The following STPG2 variants were observed in gnomAD, a reference collection of about 807,000 sequenced individuals.
The protein encoded by STPG2 is sperm-tail PG-rich repeat-containing protein 2.
A neutral mutation model predicts 54.2 loss-of-function variants in STPG2; 56 were observed. That is an observed-to-expected ratio of 1.03 (90% confidence interval 0.83 to 1.29). The LOEUF (loss-of-function observed/expected upper bound fraction) is 1.29, where lower values mean the gene tolerates loss of function less well. Among genes scored for constraint, STPG2 ranks in the 50% most tolerant of loss-of-function variants. STPG2 has a pLI of 0.00. For synonymous variants in STPG2, 200 were observed against 181.8 expected, an observed-to-expected ratio of 1.10 and a Z score of -0.81; for missense variants, 596 against 544.9, an observed-to-expected ratio of 1.09 and a Z score of -0.93.
chr4:97,807,840 G>C (rs1269204455), intron 9 of STPG2, among the ~76,000 whole-genome samples: 1 of 151,780 alleles, frequency 6.6e-6, no homozygotes, highest in East Asian at 1.9e-4. Flanking sequence ...AAATAGCTAG[G>C]TACATCATAG....
chr4:97,720,018 T>C (rs929105706), intron 9 of STPG2, among the ~76,000 whole-genome samples: 5 of 151,924 alleles, frequency 3.3e-5, no homozygotes, highest in African/African-American at 1.2e-4. Context: ...CTTCACTCAG[T>C]ATGAATTCTG....
At position 97,624,052 on chromosome 4, in the gene STPG2, G is replaced by C. The variant is rs367724885; in HGVS notation, c.1321-64935C>G. Among the ~76,000 whole-genome samples, 10 of 152,216 alleles carry C rather than the reference G, an allele frequency of 6.6e-5. No homozygotes were observed. In the South Asian group the frequency reaches 2.1e-3, roughly 32 times the overall value. ...CCAGTCTATCATTGATGGGCATTTG[G>C]GTTGATTCCATGTCTTTGATACTGT... On this transcript the variant is annotated intron_variant, in intron 10 of 10. Coordinates refer to ENST00000295268, the MANE Select transcript of STPG2 (RefSeq NM_174952.3).
Position 97,646,365 on chromosome 4 carries a change from G to A in STPG2, c.1320+66334C>T, listed in dbSNP as rs548390537. 4.6e-5 allele frequency among the ~76,000 whole-genome samples: 7 copies of A among 152,038 alleles called. No homozygotes were observed. The East Asian group carries it at 5.8e-4, about 13-fold the overall frequency. ...ATCAGTCTTATTACGGTTGCAAAGC[G>A]GCCACTTAATATTTTTCTTTTTTAG... is the stretch of plus-strand genomic sequence containing the variant. On this transcript the variant is annotated intron_variant, in intron 10 of 10. Transcript: ENST00000295268.
In STPG2 at chr4:97,721,507, C is replaced by T. The variant is rs551598361; in HGVS notation, c.1205-8693G>A. Among the ~76,000 whole-genome samples the T allele has an allele frequency of 2.6e-5, 4 of 152,112 alleles. No individual in the cohort carries two copies. The East Asian group carries it at 5.8e-4, about 22-fold the overall frequency. ...CATTGAGTTAATTGTTATTTCTTCA[C>T]TAATGTCCATTGTTAGTTGAAATAA... On this transcript the variant is annotated intron_variant, in intron 9 of 10. Transcript: ENST00000295268.
At chr4:97,507,991 C>T (rs1021511595) in intron 4 of STPG2, among the ~76,000 whole-genome samples, 6 of 152,024 alleles carry the variant, frequency 3.9e-5, no homozygotes, top group Non-Finnish European at 7.4e-5. Flanking sequence ...CCCCAGAGGT[C>T]CTGTGGCCAA....
At chr4:97,919,649 G>A (rs1732022608) in intron 8 of STPG2, among the ~76,000 whole-genome samples, 2 of 152,070 alleles carry the variant, frequency 1.3e-5, no homozygotes, top group Middle Eastern at 3.4e-3. Flanking sequence ...ATTTATTAAA[G>A]GAACTGAATA....
intron 9 of STPG2, among the ~76,000 whole-genome samples, chr4:97,803,960 G>T (rs1727475838): frequency 6.6e-6 from 1 of 152,122 alleles, no homozygotes; most frequent in African/African-American, 2.4e-5. Context: ...CATTTAAAAA[G>T]GCAGTCACTG....
intron 10 of STPG2, among the ~76,000 whole-genome samples, chr4:97,635,778 C>G (rs1467320116): frequency 6.6e-6 from 1 of 152,024 alleles, no homozygotes; most frequent in Non-Finnish European, 1.5e-5. Flanking sequence ...ATCAATTCAA[C>G]AAGAAGAGCT....
At chr4:97,598,555 T>C (rs1433669289) in intron 10 of STPG2, among the ~76,000 whole-genome samples, 2 of 137,844 alleles carry the variant, frequency 1.5e-5, no homozygotes, top group Admixed American at 1.5e-4. Flanking sequence ...ATGGTACTGG[T>C]AAAAAAAAAA....
chr4:97,815,971 G>T (rs928434536), intron 9 of STPG2, among the ~76,000 whole-genome samples: 5 of 152,100 alleles, frequency 3.3e-5, no homozygotes, highest in African/African-American at 1.2e-4. Context: ...ATGGTGGTTT[G>T]TTGCACCCAT....
chr4:98,103,616 G>A (rs1739108061), intron 5 of STPG2, among the ~76,000 whole-genome samples: 4 of 148,786 alleles, frequency 2.7e-5, no homozygotes, highest in Admixed American at 2.0e-4. Flanking sequence ...ACTCCAGCCT[G>A]GGCAAGAAAA....
At chr4:97,778,286 G>T (rs888536993) in intron 9 of STPG2, among the ~76,000 whole-genome samples, 3 of 151,754 alleles carry the variant, frequency 2.0e-5, no homozygotes, top group Non-Finnish European at 4.4e-5. Context: ...TGGCTCGGAG[G>T]GTCCCATGCC....
At chr4:97,852,962 A>ATTTT (rs1729211257) in intron 8 of STPG2, among the ~76,000 whole-genome samples, 1 of 109,600 alleles carries the variant, frequency 9.1e-6, no homozygotes, top group African/African-American at 3.9e-5. Flanking sequence ...AAATTAACAT[A>ATTTT]TTTTCTTTTT....
intron 4 of STPG2, among the ~76,000 whole-genome samples, chr4:97,539,134 C>T (rs1460207016): frequency 6.6e-6 from 1 of 152,206 alleles, no homozygotes; most frequent in Non-Finnish European, 1.5e-5. Flanking sequence ...ACTGCATCAA[C>T]TAACGAGCAA....
chr4:97,865,689 C>G (rs983677610), intron 8 of STPG2, among the ~76,000 whole-genome samples: 1 of 150,398 alleles, frequency 6.6e-6, no homozygotes, highest in Non-Finnish European at 1.5e-5. Context: ...CATGACACAT[C>G]GGGGCCTGTT....
At chr4:97,828,418 C>T (rs1728334029) in intron 9 of STPG2, among the ~76,000 whole-genome samples, 1 of 152,158 alleles carries the variant, frequency 6.6e-6, no homozygotes, top group Admixed American at 6.5e-5. Flanking sequence ...CCTCCAGTGC[C>T]TATGCCATCA....
At chr4:97,693,205 A>G (rs1268887020) in intron 10 of STPG2, among the ~76,000 whole-genome samples, 1 of 152,156 alleles carries the variant, frequency 6.6e-6, no homozygotes, top group Non-Finnish European at 1.5e-5. Flanking sequence ...CTCACATGTC[A>G]ATACTAACAT....
At chr4:97,604,100 C>T (rs1278283364) in intron 10 of STPG2, among the ~76,000 whole-genome samples, 2 of 151,520 alleles carry the variant, frequency 1.3e-5, no homozygotes, top group South Asian at 2.1e-4. Flanking sequence ...TCATGAAACT[C>T]GGAATCTGGG....
chr4:97,653,772 GAA>G (rs1448268959), intron 10 of STPG2, among the ~76,000 whole-genome samples: 1 of 152,104 alleles, frequency 6.6e-6, no homozygotes, highest in Non-Finnish European at 1.5e-5. Context: ...ATGACCCTAA[GAA>G]AAGAATTCAC....
Sources: allele counts gnomAD v4.1 joint callset (sites outside exome capture counted in the v4.1 genomes callset), GRCh38; gene constraint gnomAD v4.1.1; transcripts MANE v1.5; gene names NCBI Gene and HGNC (gene_info 2026-07-23, HGNC 2026-07-21).